SLC35D4: variants seen among roughly 807,000 people sequenced by gnomAD.
SLC35D4 encodes the protein solute carrier family 35 member D4.
the SLC35D4 span, among the ~76,000 whole-genome samples, chr18:23,381,823 C>G: frequency 6.6e-6 from 1 of 152,204 alleles, no homozygotes. Flanking sequence ...TACCGTCACC[C>G]TCATCTACAG....
chr18:23,358,747 A>G, the SLC35D4 span, among the ~76,000 whole-genome samples: 2 of 152,148 alleles, frequency 1.3e-5, no homozygotes, highest in African/African-American at 4.8e-5. Context: ...AACCAAGAGT[A>G]TTGGAAAGAC....
At chr18:23,422,602 A>T in the SLC35D4 span, among the ~76,000 whole-genome samples, 1 of 151,908 alleles carries the variant, frequency 6.6e-6, no homozygotes, top group Non-Finnish European at 1.5e-5. Flanking sequence ...CCCCCCATCC[A>T]TTCTTTACTT....
the SLC35D4 span, among the ~76,000 whole-genome samples, chr18:23,411,523 AAGAAAG>A: frequency 6.6e-6 from 1 of 151,572 alleles, no homozygotes; most frequent in Non-Finnish European, 1.5e-5. Flanking sequence ...GAAAGAAAGA[AAGAAAG>A]AAAGAAAGAA....
At chr18:23,352,038 C>T in the SLC35D4 span, among the ~76,000 whole-genome samples, 6 of 152,154 alleles carry the variant, frequency 3.9e-5, no homozygotes, top group African/African-American at 1.4e-4. Flanking sequence ...AATGAGCAGG[C>T]CTCAGAAATC....
the SLC35D4 span, among the ~76,000 whole-genome samples, chr18:23,243,397 T>C: frequency 6.6e-6 from 1 of 151,516 alleles, no homozygotes; most frequent in African/African-American, 2.4e-5. Flanking sequence ...GGTTAAGTGT[T>C]CACATCAAGG....
At chr18:23,337,261 C>T in the SLC35D4 span, among the ~76,000 whole-genome samples, 798 of 152,204 alleles carry the variant, frequency 5.2e-3, 4 homozygotes, top group Middle Eastern at 0.02. Context: ...ATCACAAGGT[C>T]AGGAGATTGA....
chr18:23,401,909 A>G, the SLC35D4 span, among the ~76,000 whole-genome samples: 2 of 152,242 alleles, frequency 1.3e-5, no homozygotes, highest in Non-Finnish European at 2.9e-5. Context: ...CTTTAACTAG[A>G]AAAGAGATAC....
the SLC35D4 span, among the ~76,000 whole-genome samples, chr18:23,321,913 C>T: frequency 6.6e-5 from 10 of 152,306 alleles, no homozygotes; most frequent in South Asian, 4.1e-4. Flanking sequence ...TTTTTCCCTT[C>T]GGATACAGGG....
the SLC35D4 span, among the ~76,000 whole-genome samples, chr18:23,322,402 A>G: frequency 2.6e-5 from 4 of 152,228 alleles, no homozygotes; most frequent in African/African-American, 4.8e-5. Context: ...AGTGGGCAGT[A>G]GAATTCAAGT....
At chr18:23,321,802 T>C in the SLC35D4 span, among the ~76,000 whole-genome samples, 9 of 152,348 alleles carry the variant, frequency 5.9e-5, no homozygotes, top group Admixed American at 2.0e-4. Context: ...AACAATTTTA[T>C]TAACTCATTA....
At chr18:23,377,558 A>G in the SLC35D4 span, 1 of 1,256,942 alleles carries the variant, frequency 8.0e-7, no homozygotes, top group Non-Finnish European at 1.1e-6. Context: ...CACCTCTTAG[A>G]GTATGAATCT....
At chr18:23,433,402 T>G in the SLC35D4 span, among the ~76,000 whole-genome samples, 1 of 152,240 alleles carries the variant, frequency 6.6e-6, no homozygotes, top group East Asian at 1.9e-4. Context: ...TTTATTAATT[T>G]AATAAATTCT....
chr18:23,419,411 G>T, the SLC35D4 span, among the ~76,000 whole-genome samples: 1 of 151,968 alleles, frequency 6.6e-6, no homozygotes, highest in Non-Finnish European at 1.5e-5. Flanking sequence ...TCCTGCCTCA[G>T]CCTTTCAAGT....
the SLC35D4 span, among the ~76,000 whole-genome samples, chr18:23,364,927 A>G: frequency 0.11 from 276 of 2,414 alleles, 37 homozygotes; most frequent in African/African-American, 0.15. Flanking sequence ...AAAAAAAAAA[A>G]AAAAAAGGAC....
the SLC35D4 span, among the ~76,000 whole-genome samples, chr18:23,239,165 C>G: frequency 6.6e-6 from 1 of 152,220 alleles, no homozygotes; most frequent in Admixed American, 6.5e-5. Flanking sequence ...CACGTATACA[C>G]ATACAACTTT....
the SLC35D4 span, among the ~76,000 whole-genome samples, chr18:23,357,279 G>A: frequency 6.6e-6 from 1 of 152,024 alleles, no homozygotes. Context: ...TTTAGTTTGA[G>A]GTCCAAAGGG....
the SLC35D4 span, among the ~76,000 whole-genome samples, chr18:23,263,873 T>C: frequency 6.6e-6 from 1 of 152,368 alleles, no homozygotes; most frequent in South Asian, 2.1e-4. Context: ...CACTGCCACT[T>C]GCAGAGCACA....
the SLC35D4 span, among the ~76,000 whole-genome samples, chr18:23,338,096 C>T: frequency 6.6e-6 from 1 of 152,188 alleles, no homozygotes; most frequent in East Asian, 1.9e-4. Context: ...ACAGAACAGC[C>T]AGCAGGGTGG....
At chr18:23,428,023 T>G in the SLC35D4 span, among the ~76,000 whole-genome samples, 1 of 151,440 alleles carries the variant, frequency 6.6e-6, no homozygotes, top group Non-Finnish European at 1.5e-5. Flanking sequence ...CTGCCATGGG[T>G]TGGGGGGAGA....
Sources: gnomAD v4.1 joint callset for allele counts (sites outside exome capture counted in the v4.1 genomes callset) on GRCh38, gnomAD v4.1.1 for gene constraint, MANE v1.5 for transcripts, NCBI Gene and HGNC (gene_info 2026-07-23, HGNC 2026-07-21) for gene names.